CD22: variants seen among roughly 807,000 people sequenced by gnomAD.
CD22 encodes CD22 molecule.
In CD22, 51 loss-of-function variants were observed where a neutral mutation model predicts 94.7. The ratio of observed to expected loss-of-function variants is 0.54; its 90% CI spans 0.43 to 0.68. CD22 has a LOEUF of 0.68. Ranked by LOEUF, CD22 falls within the 30% of genes least tolerant of loss-of-function variation. The pLI is 0.00. For synonymous variants in CD22, 424 were observed against 422.5 expected (o/e 1.00, Z -0.04); for missense variants, 931 against 1,060.4 (o/e 0.88, Z 1.69).
intron 13 of CD22, 80 bp from the exon 14 acceptor site, chr19:35,346,486 T>C: frequency 6.5e-7 from 1 of 1,538,056 alleles, no homozygotes; most frequent in Non-Finnish European, 8.8e-7. Context: ...CCGGGTGGAA[T>C]GAAGGAGAGA....
At chr19:35,331,909 C>G in intron 1 of CD22, 110 bp from the exon 2 acceptor site, 1 of 1,581,426 alleles carries the variant, frequency 6.3e-7, no homozygotes, top group Non-Finnish European at 8.6e-7. Context: ...CAACCAGACC[C>G]GGTCCTCCCG....
intron 13 of CD22, 73 bp from the exon 14 acceptor site, chr19:35,346,489 AGGAG>A (rs1262770760): frequency 2.6e-6 from 4 of 1,543,482 alleles, no homozygotes; most frequent in Non-Finnish European, 3.5e-6. Context: ...GGTGGAATGA[AGGAG>A]AGAATGCGGA....
intron 11 of CD22, 76 bp downstream of exon 11, chr19:35,345,202 G>A (rs527317893): frequency 3.1e-6 from 4 of 1,280,942 alleles, no homozygotes; most frequent in East Asian, 2.3e-5. Flanking sequence ...TGGATCACCT[G>A]AGGTCAGGAG....
chr19:35,335,575 G>A (rs1599676550), intron 3 of CD22, among the ~76,000 whole-genome samples: 2 of 146,934 alleles, frequency 1.4e-5, no homozygotes, highest in South Asian at 2.2e-4. Context: ...AAAAGAGGCC[G>A]GGTGTGGTGG....
In CD22 at chr19:35,341,273, G is replaced by A. The variant is rs1490953201; in HGVS notation, c.1508-70G>A. 4 of 1,596,208 alleles carry A rather than the reference G, an allele frequency of 2.5e-6. No individual in the cohort carries two copies. In the African/African-American group the frequency reaches 5.4e-5, roughly 21 times the overall value. On this transcript the variant is annotated intron_variant, in intron 7 of 13. Transcript: ENST00000085219. This position sits in a 1 kb window ranked among gnomAD's most constrained non-coding sequence, Gnocchi z 4.0. ...CAGGAGCCTGGCGTCAGGGCCAAGG[G>A]GAGGGGAGGCCTGGGGACAGCAAAA...
chr19:35,329,684 C>T (rs2066619055), intron 1 of CD22: 1 of 162,118 alleles, frequency 6.2e-6, no homozygotes. Flanking sequence ...GCTCTGGAGG[C>T]GCCCATCTCC....
intron 12 of CD22, 73 bp downstream of exon 12, chr19:35,345,793 C>T (rs1483110885): frequency 1.9e-6 from 2 of 1,051,590 alleles, no homozygotes; most frequent in Admixed American, 1.8e-5. Flanking sequence ...TCCCGCCTGC[C>T]CTCTTTGTGC....
chr19:35,336,914 A>T (rs533174381), intron 4 of CD22, among the ~76,000 whole-genome samples: 2 of 152,258 alleles, frequency 1.3e-5, no homozygotes, highest in East Asian at 3.9e-4. Flanking sequence ...AGGCCGAGAG[A>T]GGGGAGTGAT....
chr19:35,331,267 C>T (rs572442227), intron 1 of CD22, among the ~76,000 whole-genome samples: 5 of 152,250 alleles, frequency 3.3e-5, no homozygotes, highest in African/African-American at 1.2e-4. Context: ...TTTACCTGGT[C>T]TTTCAAACCA....
In CD22 at chr19:35,338,002, A is replaced by G; in HGVS notation, c.966A>G (p.Glu322=). Residue 322 remains glutamate (E), a synonymous_variant, in exon 5 of 14, where the codon GAA becomes GAG. Transcript: ENST00000085219. ...ACGTGGGCCCGGGAAGGTCGGAAGAAGTGTTCCTGCAAGTGCAGTGTGAGC... is the reference window on the plus strand; with the variant it reads ...ACGTGGGCCCGGGAAGGTCGGAAGAGGTGTTCCTGCAAGTGCAGTGTGAGC... ...SNDVGPGRSE[E]VFLQVQYAPE... is the part of the protein sequence containing the mutation. The G allele has an allele frequency of 6.2e-7, 1 of 1,612,318 alleles. No homozygotes were observed.
intron 6 of CD22, among the ~76,000 whole-genome samples, chr19:35,338,724 G>A (rs993054393): frequency 9.2e-5 from 14 of 151,988 alleles, no homozygotes; most frequent in African/African-American, 3.4e-4. Flanking sequence ...CACCTTCCCG[G>A]GTTCATGCCA....
chr19:35,341,796 T>TC lies in CD22; in HGVS notation c.1869dup (p.Val624ArgfsTer8). On this transcript the variant is annotated frameshift_variant, in exon 9 of 14. Transcript: ENST00000085219. LOFTEE classifies it high-confidence loss of function. The surrounding 1 kb of genome is among the most constrained non-coding windows in gnomAD (Gnocchi z 4.0). ...TGACCTGTGAGAGCGACGCCAACCC[T>TC]CCCGTCTCCCACTACACCTGGTTTG... 1 of 1,613,598 alleles carries TC rather than the reference T, an allele frequency of 6.2e-7. No homozygotes were observed. The highest frequency in any genetic ancestry group is 8.5e-7 in the Non-Finnish European group (1 of 1,179,986).
At position 35,341,662 on chromosome 19, in the gene CD22, G is replaced by C; in HGVS notation, c.1772-40G>C. On this transcript the variant is annotated intron_variant, in intron 8 of 13. Coordinates refer to ENST00000085219, the MANE Select transcript of CD22 (RefSeq NM_001771.4). The surrounding 1 kb of genome is among the most constrained non-coding windows in gnomAD (Gnocchi z 4.0). Reference sequence around the variant, plus strand: ...CAGAGAAGGGACCAGTGGCCTGCCTGGTAGTGACTTCGCACCCCCTCCCCC... The same window carrying C: ...CAGAGAAGGGACCAGTGGCCTGCCTCGTAGTGACTTCGCACCCCCTCCCCC... 1 of 1,606,872 alleles carries C rather than the reference G, an allele frequency of 6.2e-7. No individual in the cohort carries two copies. The highest frequency in any genetic ancestry group is 8.5e-7 in the Non-Finnish European group (1 of 1,175,836).
chr19:35,329,393 A>C (rs1316288012), intron 1 of CD22, 163 bp downstream of exon 1: 1 of 411,958 alleles, frequency 2.4e-6, no homozygotes, highest in Admixed American at 2.6e-5. Context: ...TGTCTTGAGC[A>C]TCCTCCTTGC....
chr19:35,337,211 C>G lies in CD22; in HGVS notation c.719-544C>G, dbSNP rs577748138. Among the ~76,000 whole-genome samples the G allele has an allele frequency of 5.9e-5, 9 of 151,764 alleles. No individual in the cohort carries two copies. Among genetic ancestry groups the G allele is most frequent in the African/African-American group, 1.7e-4 (7 of 41,354 alleles). Reference sequence around the variant, plus strand: ...CTGAGATCGCACCACTGCACTCCAACCTGGGTGACGAGTGAGACTCCATCT... The same window carrying G: ...CTGAGATCGCACCACTGCACTCCAAGCTGGGTGACGAGTGAGACTCCATCT... On this transcript the variant is annotated intron_variant, in intron 4 of 13. Coordinates refer to ENST00000085219, the MANE Select transcript of CD22 (RefSeq NM_001771.4). This position sits in a 1 kb window ranked among gnomAD's most constrained non-coding sequence, Gnocchi z 4.4.
Position 35,332,629 on chromosome 19 carries a change from C to T in CD22, c.117C>T (p.Cys39=), listed in dbSNP as rs750364404. The change falls in exon 3 of 14, where the codon TGC becomes TGT. Residue 39 remains cysteine (C), a synonymous_variant. Transcript: ENST00000085219. The part of the protein sequence containing the change: ...PETLYAWEGA[C]VWIPCTYRAL... The stretch of plus-strand genomic sequence containing the variant: ...CCCTCTACGCCTGGGAGGGGGCCTG[C>T]GTCTGGATCCCCTGCACCTACAGAG... 5.0e-6 allele frequency: 8 copies of T among 1,614,044 alleles called. No individual in the cohort carries two copies. Among genetic ancestry groups the T allele is most frequent in the East Asian group, 2.2e-5 (1 of 44,880 alleles).
chr19:35,333,013 C>A (rs950776362), intron 3 of CD22, 89 bp downstream of exon 3: 42 of 1,418,592 alleles, frequency 3.0e-5, no homozygotes, highest in Non-Finnish European at 3.9e-5. Context: ...AGCTCACAAA[C>A]CGAGCTTCCT....
chr19:35,346,916 C>T lies in CD22; in HGVS notation c.*219C>T, dbSNP rs2066917873. The T allele has an allele frequency of 1.9e-6, 1 of 523,012 alleles. No homozygotes were observed. The highest frequency in any genetic ancestry group is 2.4e-5 in the South Asian group (1 of 41,306). The allele number at this position is 523,012 out of a possible 1,614,324, so 32.4% of individuals were successfully genotyped here. On this transcript the variant is annotated 3_prime_UTR_variant, in exon 14 of 14. Coordinates refer to ENST00000085219, the MANE Select transcript of CD22 (RefSeq NM_001771.4). ...ACCCCAAACCTCCAAAACTCCTGCC[C>T]CTGTTCTCTTCCACTCTCCTTGCTA...
rs767277424 is a variant in CD22, at chr19:35,345,091, T to A, written c.2173T>A (p.Ser725Thr). 3 of 1,614,018 alleles carry A rather than the reference T, an allele frequency of 1.9e-6. No individual in the cohort carries two copies. Among genetic ancestry groups the A allele is most frequent in the Non-Finnish European group, 2.5e-6 (3 of 1,180,034 alleles). Residue 725 changes from serine to threonine, a missense_variant, in exon 11 of 14, where the codon TCC becomes ACC. Physicochemically the swap from Ser to Thr is moderately conservative, Grantham distance 58. Coordinates refer to ENST00000085219, the MANE Select transcript of CD22 (RefSeq NM_001771.4). ...GAGCCAGCAGGGGCTTCAGGAGAAT[T>A]CCAGCGGCCAGAGCTTCTTTGTGAG... ...TQSQQGLQEN[S>T]SGQSFFVRNK...
Sources: allele counts gnomAD v4.1 joint callset (sites outside exome capture counted in the v4.1 genomes callset), GRCh38; gene constraint gnomAD v4.1.1; non-coding constraint Gnocchi (gnomAD v3.1); transcripts MANE v1.5; gene names NCBI Gene and HGNC (gene_info 2026-07-23, HGNC 2026-07-21).